The following FER variants were observed in gnomAD, a reference collection of about 807,000 sequenced individuals.
FER encodes FER tyrosine kinase.
A neutral mutation model predicts 111.0 loss-of-function variants in FER; 63 were observed. The ratio of observed to expected loss-of-function variants is 0.57; its 90% CI spans 0.46 to 0.70. The LOEUF is 0.70. Among genes scored for constraint, FER ranks in the 30% least tolerant of loss-of-function variants. The pLI is 0.00. For missense variants in FER, 914 were observed against 954.0 expected, an observed-to-expected ratio of 0.96 and a Z score of 0.55; for synonymous variants, 327 against 313.9, an observed-to-expected ratio of 1.04 and a Z score of -0.44.
At chr5:108,919,196 A>G (rs560281211) in intron 10 of FER, among the ~76,000 whole-genome samples, 20 of 151,478 alleles carry the variant, frequency 1.3e-4, no homozygotes, top group Admixed American at 1.1e-3. Flanking sequence ...ACTCATTGAT[A>G]TCTTACTATT....
chr5:109,079,160 C>T (rs2150014851), intron 16 of FER, among the ~76,000 whole-genome samples: 1 of 152,130 alleles, frequency 6.6e-6, no homozygotes, highest in Admixed American at 6.6e-5. Context: ...CAGATATTTA[C>T]CAGACCTATT....
intron 13 of FER, among the ~76,000 whole-genome samples, chr5:108,986,074 T>C (rs2149734256): frequency 6.6e-6 from 1 of 152,308 alleles, no homozygotes; most frequent in Middle Eastern, 3.4e-3. Context: ...AGTGTTCCCT[T>C]TTCACCACAT....
intron 16 of FER, among the ~76,000 whole-genome samples, chr5:109,089,669 T>C (rs1190936984): frequency 6.6e-6 from 1 of 152,220 alleles, no homozygotes; most frequent in African/African-American, 2.4e-5. Flanking sequence ...AATAGCCATC[T>C]TGAAATGAGT....
chr5:108,871,582 T>G (rs1282227487), intron 7 of FER, 80 bp downstream of exon 7: 1 of 1,027,688 alleles, frequency 9.7e-7, no homozygotes, highest in African/African-American at 1.6e-5. Flanking sequence ...CAGATAAAAA[T>G]AAGAAATACT....
chr5:108,970,410 C>T lies in FER; in HGVS notation c.1656+11063C>T, dbSNP rs145513086. Among the ~76,000 whole-genome samples the T allele has an allele frequency of 5.9e-3, 900 of 151,640 alleles. 5 individuals are homozygous for T. The highest frequency in any genetic ancestry group is 0.021 in the African/African-American group (859 of 41,262). ...TTTTTTTTGTATTTTTTAGTAGAGA[C>T]GGGGTTTTGCCGTGTTAGCCAGCAT... On this transcript the variant is annotated intron_variant, in intron 13 of 19. Coordinates refer to ENST00000281092, the MANE Select transcript of FER (RefSeq NM_005246.4).
intron 1 of FER, among the ~76,000 whole-genome samples, chr5:108,763,350 C>G (rs944449143): frequency 2.6e-5 from 4 of 152,108 alleles, no homozygotes; most frequent in Non-Finnish European, 5.9e-5. Flanking sequence ...TATCTTAGTG[C>G]TAGTTCTCCC....
chr5:108,817,799 TTTCCCCTTA>T (rs1758435410), intron 3 of FER, among the ~76,000 whole-genome samples: 1 of 152,210 alleles, frequency 6.6e-6, no homozygotes. Context: ...AGTTATGTAT[TTTCCCCTTA>T]TGTGTAGTTT....
intron 16 of FER, among the ~76,000 whole-genome samples, chr5:109,073,549 T>C (rs1775999605): frequency 6.6e-6 from 1 of 152,184 alleles, no homozygotes; most frequent in Non-Finnish European, 1.5e-5. Flanking sequence ...CTCACCATTA[T>C]ATAAATATCT....
At chr5:108,944,138 C>CAT (rs1452259212) in intron 10 of FER, among the ~76,000 whole-genome samples, 1 of 149,504 alleles carries the variant, frequency 6.7e-6, no homozygotes, top group African/African-American at 2.4e-5. Context: ...CACACACACA[C>CAT]ACAAACACAC....
chr5:108,792,041 A>T (rs1359623393), intron 2 of FER, among the ~76,000 whole-genome samples: 27 of 152,178 alleles, frequency 1.8e-4, no homozygotes. Flanking sequence ...ATTGATTTCT[A>T]TGTTTATCCA....
chr5:109,105,783 G>C (rs1308670711), intron 17 of FER, among the ~76,000 whole-genome samples: 1 of 152,176 alleles, frequency 6.6e-6, no homozygotes, highest in Non-Finnish European at 1.5e-5. Context: ...GGCTCACTGA[G>C]TACTAGACAC....
At chr5:109,147,796 T>TAGAGAG (rs1214557161) in intron 17 of FER, among the ~76,000 whole-genome samples, 12 of 118,044 alleles carry the variant, frequency 1.0e-4, no homozygotes, top group East Asian at 2.4e-4. Context: ...TATATATATA[T>TAGAGAG]ATATAGAGAG....
intron 17 of FER, among the ~76,000 whole-genome samples, chr5:109,107,172 C>A (rs1309026338): frequency 6.6e-6 from 1 of 152,166 alleles, no homozygotes; most frequent in Non-Finnish European, 1.5e-5. Flanking sequence ...TTCCTCATTT[C>A]TGACTTTTTT....
At chr5:108,757,948 G>A (rs1315318452) in intron 1 of FER, among the ~76,000 whole-genome samples, 1 of 152,092 alleles carries the variant, frequency 6.6e-6, no homozygotes, top group Non-Finnish European at 1.5e-5. Flanking sequence ...CCCTGTGTCT[G>A]GAACTGGCAT....
chr5:109,135,674 C>G (rs1007805360), intron 17 of FER, among the ~76,000 whole-genome samples: 1 of 152,086 alleles, frequency 6.6e-6, no homozygotes, highest in Non-Finnish European at 1.5e-5. Context: ...CCACTATTAT[C>G]CAGTAATCCA....
chr5:109,017,961 T>C (rs185774436), intron 13 of FER, among the ~76,000 whole-genome samples: 8 of 152,046 alleles, frequency 5.3e-5, no homozygotes, highest in Admixed American at 1.3e-4. Context: ...TGTTTTCATT[T>C]TCTCTATAGA....
chr5:109,021,614 T>A (rs2149831907), intron 13 of FER, among the ~76,000 whole-genome samples: 1 of 152,246 alleles, frequency 6.6e-6, no homozygotes, highest in East Asian at 1.9e-4. Flanking sequence ...TTAGTGCTTA[T>A]CTTAGTACTT....
At chr5:108,881,881 G>T (rs1765715048) in intron 8 of FER, among the ~76,000 whole-genome samples, 1 of 151,968 alleles carries the variant, frequency 6.6e-6, no homozygotes, top group South Asian at 2.1e-4. Context: ...TTGGGGGTTA[G>T]GGCCCCAACA....
At chr5:109,169,775 G>A (rs919465351) in intron 17 of FER, among the ~76,000 whole-genome samples, 11 of 152,190 alleles carry the variant, frequency 7.2e-5, no homozygotes, top group African/African-American at 2.7e-4. Flanking sequence ...TGGCCTAGGA[G>A]TCAGAAAACC....
Sources: gnomAD v4.1 joint callset for allele counts (sites outside exome capture counted in the v4.1 genomes callset) on GRCh38, gnomAD v4.1.1 for gene constraint, MANE v1.5 for transcripts, NCBI Gene and HGNC (gene_info 2026-07-23, HGNC 2026-07-21) for gene names.